PDE4D: variants seen among roughly 807,000 people sequenced by gnomAD.
PDE4D encodes 3',5'-cyclic-AMP phosphodiesterase 4D.
In PDE4D, 24 loss-of-function variants were observed where a neutral mutation model predicts 87.4. The observed-to-expected ratio is 0.27, with a 90% CI of 0.20 to 0.39. The LOEUF is 0.39. Ranked by LOEUF, PDE4D falls within the 10% of genes least tolerant of loss-of-function variation. The pLI, the probability that PDE4D is intolerant of heterozygous loss-of-function variation, is 1.00. For missense variants in PDE4D, 714 were observed against 1,041.0 expected, an observed-to-expected ratio of 0.69 and a Z score of 4.32; for synonymous variants, 384 against 383.2, an observed-to-expected ratio of 1.00 and a Z score of -0.02.
chr5:59,904,609 G>C (rs373907001), intron 3 of PDE4D, among the ~76,000 whole-genome samples: 1 of 152,080 alleles, frequency 6.6e-6, no homozygotes, highest in East Asian at 1.9e-4. Flanking sequence ...ACTTTTCAGC[G>C]TACCACAATT....
At chr5:60,405,043 C>T (rs891684702) in intron 1 of PDE4D, among the ~76,000 whole-genome samples, 8 of 152,214 alleles carry the variant, frequency 5.3e-5, no homozygotes, top group South Asian at 2.1e-4. Context: ...ACAGACTACC[C>T]GCTTTCAACT....
chr5:59,989,113 T>TATAC (rs1554129379), intron 2 of PDE4D, among the ~76,000 whole-genome samples: 25 of 133,516 alleles, frequency 1.9e-4, no homozygotes, highest in African/African-American at 5.0e-4. Context: ...TATATATATA[T>TATAC]ATACACACAC....
chr5:60,281,492 A>G (rs1038443954), intron 1 of PDE4D, among the ~76,000 whole-genome samples: 2 of 152,126 alleles, frequency 1.3e-5, no homozygotes, highest in African/African-American at 4.8e-5. Context: ...CCCCACTGTC[A>G]TTTCTGTAGT....
intron 4 of PDE4D, among the ~76,000 whole-genome samples, chr5:59,182,247 T>G (rs1252113786): frequency 2.2e-5 from 3 of 138,666 alleles, no homozygotes; most frequent in African/African-American, 8.3e-5. Context: ...TATCTTCTTC[T>G]TCTTAAATTT....
intron 2 of PDE4D, among the ~76,000 whole-genome samples, chr5:60,113,097 T>C (rs887844392): frequency 6.6e-6 from 1 of 152,050 alleles, no homozygotes; most frequent in South Asian, 2.1e-4. Flanking sequence ...CATAATAATA[T>C]AAAATTTTAT....
chr5:59,051,420 T>C (rs1396557349), intron 5 of PDE4D, among the ~76,000 whole-genome samples: 1 of 152,126 alleles, frequency 6.6e-6, no homozygotes, highest in Non-Finnish European at 1.5e-5. Context: ...TCATGAAAAG[T>C]CAACTATGTA....
At chr5:59,461,060 A>G (rs1168421576) in intron 1 of PDE4D, among the ~76,000 whole-genome samples, 2 of 152,214 alleles carry the variant, frequency 1.3e-5, no homozygotes, top group Non-Finnish European at 2.9e-5. Context: ...GAATGAATTT[A>G]CTTTACCATT....
chr5:59,340,229 T>C (rs1183738891), intron 1 of PDE4D, among the ~76,000 whole-genome samples: 1 of 152,230 alleles, frequency 6.6e-6, no homozygotes, highest in Non-Finnish European at 1.5e-5. Flanking sequence ...AAAGAATTAA[T>C]AATTTTCTTA....
intron 3 of PDE4D, among the ~76,000 whole-genome samples, chr5:59,983,011 T>A (rs1462232917): frequency 1.3e-5 from 2 of 152,214 alleles, no homozygotes; most frequent in African/African-American, 4.8e-5. Flanking sequence ...CTCGCATTAT[T>A]CCTACTTTTG....
chr5:58,987,403 G>A (rs777735518), intron 11 of PDE4D, among the ~76,000 whole-genome samples: 1 of 152,126 alleles, frequency 6.6e-6, no homozygotes, highest in Non-Finnish European at 1.5e-5. Flanking sequence ...TCCTCTACAT[G>A]GATGAGTCAT....
chr5:59,096,045 A>G (rs1183004907), intron 5 of PDE4D, among the ~76,000 whole-genome samples: 1 of 152,156 alleles, frequency 6.6e-6, no homozygotes, highest in African/African-American at 2.4e-5. Flanking sequence ...AGGGAGTGGG[A>G]GCATCTAGCT....
intron 1 of PDE4D, among the ~76,000 whole-genome samples, chr5:59,696,494 T>C (rs895563269): frequency 6.6e-6 from 1 of 152,134 alleles, no homozygotes; most frequent in Admixed American, 6.5e-5. Context: ...TGAAATTCAT[T>C]GATGTGGAAA....
intron 3 of PDE4D, among the ~76,000 whole-genome samples, chr5:59,978,804 C>T (rs1761617205): frequency 6.6e-6 from 1 of 152,116 alleles, no homozygotes; most frequent in African/African-American, 2.4e-5. Context: ...CACAGCCACC[C>T]CAATCTTCAG....
chr5:59,007,058 T>C (rs1295241929), intron 6 of PDE4D, among the ~76,000 whole-genome samples: 2 of 152,164 alleles, frequency 1.3e-5, no homozygotes, highest in African/African-American at 2.4e-5. Context: ...GCCTACATAA[T>C]AGATCCGTTA....
intron 1 of PDE4D, among the ~76,000 whole-genome samples, chr5:59,637,367 C>A (rs755219003): frequency 2.0e-5 from 3 of 152,030 alleles, no homozygotes; most frequent in Non-Finnish European, 2.9e-5. Context: ...AGTAGAAATA[C>A]CATTTGACCC....
chr5:59,441,305 C>T (rs1797581320), intron 1 of PDE4D, among the ~76,000 whole-genome samples: 1 of 152,188 alleles, frequency 6.6e-6, no homozygotes. Context: ...CCATGTTGCC[C>T]AGGCTGGTCC....
At chr5:59,374,396 G>C (rs1280386127) in intron 1 of PDE4D, among the ~76,000 whole-genome samples, 1 of 152,048 alleles carries the variant, frequency 6.6e-6, no homozygotes, top group Admixed American at 6.6e-5. Flanking sequence ...TGACAAAAAA[G>C]ACTTTAAACC....
intron 1 of PDE4D, among the ~76,000 whole-genome samples, chr5:59,765,339 G>C (rs1762650746): frequency 6.6e-6 from 1 of 152,168 alleles, no homozygotes; most frequent in Non-Finnish European, 1.5e-5. Context: ...TGTTATTACA[G>C]ATGTTATTCT....
At chr5:60,362,864 A>G (rs758571918) in intron 1 of PDE4D, among the ~76,000 whole-genome samples, 2 of 101,112 alleles carry the variant, frequency 2.0e-5, no homozygotes, top group East Asian at 7.2e-4. Flanking sequence ...CCATCTCAAG[A>G]AAAAAAAAAA....
Sources: allele counts gnomAD v4.1 joint callset (sites outside exome capture counted in the v4.1 genomes callset), GRCh38; gene constraint gnomAD v4.1.1; transcripts MANE v1.5; gene names NCBI Gene and HGNC (gene_info 2026-07-23, HGNC 2026-07-21).